CKAP5: variants seen among roughly 807,000 people sequenced by gnomAD.
CKAP5 encodes the protein cytoskeleton associated protein 5.
A neutral mutation model predicts 232.8 loss-of-function variants in CKAP5; 27 were observed. The ratio of observed to expected loss-of-function variants is 0.12; its 90% CI spans 0.09 to 0.16. The LOEUF (loss-of-function observed/expected upper bound fraction) is 0.16, where lower values mean the gene tolerates loss of function less well. CKAP5 is among the 10% of genes least tolerant of loss of function. The pLI is 1.00. For synonymous variants in CKAP5, 785 were observed against 841.1 expected (o/e 0.93, Z 1.16); for missense variants, 1,838 against 2,424.7 (o/e 0.76, Z 5.08).
chr11:46,845,282 G>A (rs942978763), intron 1 of CKAP5, among the ~76,000 whole-genome samples: 2 of 152,136 alleles, frequency 1.3e-5, no homozygotes, highest in African/African-American at 4.8e-5. Flanking sequence ...AAGATTTGAT[G>A]CCTTGGTCCC....
At chr11:46,831,013 C>G (rs979276717) in intron 1 of CKAP5, among the ~76,000 whole-genome samples, 1 of 151,898 alleles carries the variant, frequency 6.6e-6, no homozygotes, top group Admixed American at 6.6e-5. Context: ...TGCAGTGAGC[C>G]GAGATCGCGT....
chr11:46,765,750 G>A lies in CKAP5; in HGVS notation c.3412-494C>T, dbSNP rs188137726. Reference sequence around the variant, plus strand: ...CTCCTCAGTAGGTGGGACCAAAGGCGCCCACCACCACCCCTGGCTAATTTT... The same window carrying A: ...CTCCTCAGTAGGTGGGACCAAAGGCACCCACCACCACCCCTGGCTAATTTT... On this transcript the variant is annotated intron_variant, in intron 27 of 43. Coordinates refer to ENST00000529230, the MANE Select transcript of CKAP5 (RefSeq NM_001008938.4). 5.3e-5 allele frequency among the ~76,000 whole-genome samples: 8 copies of A among 151,896 alleles called. No homozygotes were observed. The East Asian group carries it at 5.8e-4, about 11-fold the overall frequency.
At chr11:46,768,293 C>G (rs1020062337) in intron 26 of CKAP5, among the ~76,000 whole-genome samples, 2 of 151,962 alleles carry the variant, frequency 1.3e-5, no homozygotes, top group Non-Finnish European at 2.9e-5. Flanking sequence ...CTGGCTAAAA[C>G]AGTCCTCCTA....
At chr11:46,804,880 T>C (rs1276339803) in intron 8 of CKAP5, among the ~76,000 whole-genome samples, 1 of 151,474 alleles carries the variant, frequency 6.6e-6, no homozygotes, top group Non-Finnish European at 1.5e-5. Context: ...CAAATGTCCA[T>C]AGGCATAGGC....
At chr11:46,756,219 T>C (rs906502240) in intron 35 of CKAP5, among the ~76,000 whole-genome samples, 2 of 152,214 alleles carry the variant, frequency 1.3e-5, no homozygotes, top group Non-Finnish European at 2.9e-5. Context: ...AACCATGACT[T>C]CCTTCCTCTT....
chr11:46,755,680 G>C (rs545351255), intron 35 of CKAP5, among the ~76,000 whole-genome samples: 1 of 151,920 alleles, frequency 6.6e-6, no homozygotes, highest in Admixed American at 6.6e-5. Flanking sequence ...TGTAATCCCA[G>C]CACTTTGGGA....
chr11:46,778,362 A>C, intron 21 of CKAP5, 49 bp from the exon 22 acceptor site: 1 of 1,601,234 alleles, frequency 6.2e-7, no homozygotes. Flanking sequence ...AAAAATGATG[A>C]TATCACGTTA....
rs1357569626 is a variant in CKAP5 at position 46,801,076 on chromosome 11, G to T, written c.1083+124C>A. 1.7e-5 allele frequency: 10 copies of T among 579,196 alleles called. No individual in the cohort carries two copies. In the East Asian group the frequency reaches 2.7e-4, roughly 15 times the overall value. The allele number at this position is 579,196 out of a possible 1,614,324, so 35.9% of individuals were successfully genotyped here. A position where few individuals can be genotyped will look rare whatever the true frequency, so the allele number is the denominator to read the frequency against. On this transcript the variant is annotated intron_variant, in intron 9 of 43. Coordinates refer to ENST00000529230, the MANE Select transcript of CKAP5 (RefSeq NM_001008938.4). ...ATGCTGAATATTAACAAAACAGAGA[G>T]AAATTTACTTTGTACAGTATATACA...
chr11:46,787,402 T>A (rs769989006), intron 16 of CKAP5, among the ~76,000 whole-genome samples: 6 of 152,146 alleles, frequency 3.9e-5, no homozygotes, highest in Non-Finnish European at 8.8e-5. Context: ...TAGCATGAGG[T>A]CTATTGTATG....
At chr11:46,842,159 T>C (rs892961659) in intron 1 of CKAP5, among the ~76,000 whole-genome samples, 2 of 152,150 alleles carry the variant, frequency 1.3e-5, no homozygotes, top group Non-Finnish European at 1.5e-5. Flanking sequence ...CTCAAAGCTG[T>C]CCCTCAAGGG....
chr11:46,788,565 AC>A, intron 16 of CKAP5, 115 bp downstream of exon 16: 1 of 636,452 alleles, frequency 1.6e-6, no homozygotes, highest in South Asian at 1.9e-5. Flanking sequence ...CAAGAGCGAA[AC>A]TCCGTCTCAA....
intron 24 of CKAP5, among the ~76,000 whole-genome samples, chr11:46,771,703 A>T (rs1240547568): frequency 6.6e-6 from 1 of 152,216 alleles, no homozygotes; most frequent in East Asian, 1.9e-4. Context: ...CTATAGTCCC[A>T]GTTTTTGGCT....
At chr11:46,760,823 A>G (rs1408881774) in intron 32 of CKAP5, 39 bp from the exon 33 acceptor site, 1 of 1,547,934 alleles carries the variant, frequency 6.5e-7, no homozygotes, top group Admixed American at 1.8e-5. Context: ...ACTGGATAAC[A>G]CAATAATATC....
intron 1 of CKAP5, among the ~76,000 whole-genome samples, chr11:46,843,726 T>C (rs1260837201): frequency 7.3e-5 from 3 of 41,222 alleles, no homozygotes; most frequent in East Asian, 1.6e-3. Flanking sequence ...TGAGATCTGA[T>C]TGAAAAAAAA....
Position 46,818,367 on chromosome 11 carries a change from T to C in CKAP5, c.194A>G (p.Gln65Arg). Reference protein sequence around the residue: ...KFVTDSNAVVQLKGLEAALVY... With the variant: ...KFVTDSNAVVRLKGLEAALVY... Reference sequence around the variant, plus strand: ...AAGTGCAGCTTCTAATCCTTTCAATTGAACCACTGCATTGGAATCAGTGAC... The same window carrying C: ...AAGTGCAGCTTCTAATCCTTTCAATCGAACCACTGCATTGGAATCAGTGAC... Residue 65 changes from glutamine to arginine, a missense_variant, in exon 3 of 44, where the codon CAA becomes CGA. By Grantham distance (43) the Gln-to-Arg change is conservative. Around this residue, in one of 6 missense-constraint regions of CKAP5, gnomAD observed 285 missense variants for 300.0 expected, o/e 0.95. Coordinates refer to ENST00000529230, the MANE Select transcript of CKAP5 (RefSeq NM_001008938.4). 6.2e-7 allele frequency: 1 copy of C among 1,611,734 alleles called. No homozygotes were observed. The highest frequency in any genetic ancestry group is 8.5e-7 in the Non-Finnish European group (1 of 1,179,200).
chr11:46,783,736 C>CA (rs1227517366), intron 17 of CKAP5, among the ~76,000 whole-genome samples: 1 of 151,894 alleles, frequency 6.6e-6, no homozygotes, highest in African/African-American at 2.4e-5. Flanking sequence ...GAGACAGTCT[C>CA]ACTCTGTTGC....
rs1299561645 is a variant in CKAP5 at position 46,811,170 on chromosome 11, C to T, written c.467G>A (p.Gly156Asp). 1.2e-6 allele frequency: 2 copies of T among 1,611,636 alleles called. No homozygotes were observed. The highest frequency in any genetic ancestry group is 1.1e-5 in the South Asian group (1 of 90,428). ...ETLRKALSEF[G>D]SKIILLKPII... is the part of the protein sequence containing the mutation. ...TGGCTTAAGCAAGATGATTTTGGAA[C>T]CAAATTCACTACAAGTAAAAAATTG... The change falls in exon 5 of 44, where the codon GGT (glycine) becomes GAT (aspartate). Residue 156 changes from glycine to aspartate, a missense_variant. Gly to Asp is a moderately conservative substitution (Grantham distance 94, BLOSUM62 -1). Transcript: ENST00000529230.
At chr11:46,834,450 C>T (rs12806577) in intron 1 of CKAP5, among the ~76,000 whole-genome samples, 95,757 of 146,340 alleles carry the variant, frequency 0.65, 32,512 homozygotes, top group Non-Finnish European at 0.77. Flanking sequence ...ACCTGGGAGG[C>T]GGTGGTTGCA....
At chr11:46,780,549 T>C (rs930885490) in intron 18 of CKAP5, 64 bp from the exon 19 acceptor site, 44 of 1,381,496 alleles carry the variant, frequency 3.2e-5, no homozygotes, top group African/African-American at 7.2e-5. Context: ...AATAACGTTT[T>C]ATAAAGCCAG....
Sources: gnomAD v4.1 joint callset for allele counts (sites outside exome capture counted in the v4.1 genomes callset) on GRCh38, gnomAD v4.1.1 for gene constraint, gnomAD v4.1.1 regional missense constraint, MANE v1.5 for transcripts, NCBI Gene and HGNC (gene_info 2026-07-23, HGNC 2026-07-21) for gene names.